Variants in PTK2 observed in about 807,000 individuals in gnomAD.
The protein encoded by PTK2 is protein tyrosine kinase 2.
A neutral mutation model predicts 150.1 loss-of-function variants in PTK2; 45 were observed. The ratio of observed to expected loss-of-function variants is 0.30; its 90% CI spans 0.24 to 0.38. The LOEUF (loss-of-function observed/expected upper bound fraction) is 0.38. Among genes scored for constraint, PTK2 ranks in the 10% least tolerant of loss-of-function variants. The pLI, the probability that PTK2 is intolerant of heterozygous loss-of-function variation, is 1.00. For missense variants in PTK2, 919 were observed against 1,307.3 expected (o/e 0.70, Z 4.58); for synonymous variants, 432 against 449.2 (o/e 0.96, Z 0.48).
intron 5 of PTK2, among the ~76,000 whole-genome samples, chr8:140,862,719 C>T (rs967915981): frequency 2.0e-5 from 3 of 152,126 alleles, no homozygotes; most frequent in African/African-American, 2.4e-5. Context: ...TTCATAGGAG[C>T]GCAAACCCTG....
chr8:140,809,663 G>A (rs183647510), intron 10 of PTK2, among the ~76,000 whole-genome samples: 11 of 152,144 alleles, frequency 7.2e-5, no homozygotes, highest in Admixed American at 2.0e-4. Context: ...AAAATTAGCC[G>A]AGTGTAATGG....
chr8:140,840,194 G>A (rs139086029), intron 7 of PTK2, among the ~76,000 whole-genome samples: 1,570 of 152,246 alleles, frequency 0.01, 22 homozygotes, highest in Non-Finnish European at 0.015. Flanking sequence ...GACTAGGTGA[G>A]ACCACAGCTG....
At chr8:140,907,421 T>G (rs2100161392) in intron 2 of PTK2, among the ~76,000 whole-genome samples, 2 of 152,194 alleles carry the variant, frequency 1.3e-5, no homozygotes, top group Non-Finnish European at 2.9e-5. Flanking sequence ...TCAAAAAAGC[T>G]GAGTATTTGG....
At chr8:140,768,673 G>A (rs1361471444) in intron 14 of PTK2, among the ~76,000 whole-genome samples, 1 of 152,176 alleles carries the variant, frequency 6.6e-6, no homozygotes, top group African/African-American at 2.4e-5. Context: ...TGACTGCTGT[G>A]AGAATTAGGA....
At chr8:140,759,342 TG>T (rs1173927493) in intron 16 of PTK2, among the ~76,000 whole-genome samples, 1 of 151,938 alleles carries the variant, frequency 6.6e-6, no homozygotes, top group African/African-American at 2.4e-5. Context: ...CATTCCAGCC[TG>T]GGCAACATCA....
chr8:140,977,906 G>T (rs1310864308), intron 1 of PTK2, among the ~76,000 whole-genome samples: 3 of 152,068 alleles, frequency 2.0e-5, no homozygotes, highest in Non-Finnish European at 4.4e-5. Flanking sequence ...CCAAATCAGA[G>T]ATATAGATCA....
At chr8:140,916,688 G>A (rs1254931829) in intron 2 of PTK2, among the ~76,000 whole-genome samples, 1 of 152,004 alleles carries the variant, frequency 6.6e-6, no homozygotes, top group East Asian at 1.9e-4. Flanking sequence ...TAGAAGACAT[G>A]GTACATATAT....
chr8:140,833,057 TTAAAGA>T (rs779054703), intron 7 of PTK2: 1 of 518,756 alleles, frequency 1.9e-6, no homozygotes, highest in African/African-American at 1.9e-5. Context: ...AATAAGAAAG[TTAAAGA>T]TAAACCAAAA....
At chr8:140,782,589 G>GA (rs960830155) in intron 14 of PTK2, among the ~76,000 whole-genome samples, 2 of 151,172 alleles carry the variant, frequency 1.3e-5, no homozygotes, top group African/African-American at 4.9e-5. Flanking sequence ...ATTTGGTAGG[G>GA]AAAAAAATGA....
At chr8:140,739,330 C>T (rs1444132121) in intron 20 of PTK2, among the ~76,000 whole-genome samples, 1 of 152,100 alleles carries the variant, frequency 6.6e-6, no homozygotes, top group Non-Finnish European at 1.5e-5. Context: ...ATGTCCTTCC[C>T]TCTATAGAGA....
In PTK2 at chr8:140,958,552, T is replaced by C. The variant is rs1587395572; in HGVS notation, c.-121-32803A>G. Among the ~76,000 whole-genome samples, 4 of 152,336 alleles carry C rather than the reference T, an allele frequency of 2.6e-5. No individual in the cohort carries two copies. In the South Asian group the frequency reaches 8.3e-4, roughly 32 times the overall value. ...AGAGATAATAAGATGTTATCCATCA[T>C]AATCCTCCAAAACTATGCTCTCCAA... On this transcript the variant is annotated intron_variant, in intron 1 of 31. Coordinates refer to ENST00000522684, the Ensembl canonical transcript of PTK2.
intron 11 of PTK2, among the ~76,000 whole-genome samples, chr8:140,801,982 GCACA>G (rs1263451679): frequency 6.6e-6 from 1 of 151,650 alleles, no homozygotes; most frequent in African/African-American, 2.4e-5. Context: ...TAAAAGTATA[GCACA>G]TACGATTATG....
intron 3 of PTK2, among the ~76,000 whole-genome samples, chr8:140,882,355 C>T (rs1600404389): frequency 6.6e-6 from 1 of 152,244 alleles, no homozygotes; most frequent in East Asian, 1.9e-4. Context: ...ATATCACACA[C>T]ACGTACATTT....
chr8:140,763,682 A>G (rs2100070605), intron 15 of PTK2, among the ~76,000 whole-genome samples: 1 of 152,038 alleles, frequency 6.6e-6, no homozygotes, highest in Non-Finnish European at 1.5e-5. Context: ...GTCCTTTAAG[A>G]GTTCTGTTTC....
chr8:140,838,153 A>G (rs1296620881), intron 7 of PTK2, among the ~76,000 whole-genome samples: 1 of 152,238 alleles, frequency 6.6e-6, no homozygotes, highest in Non-Finnish European at 1.5e-5. Context: ...GAATCTAATA[A>G]ATTATGTGGA....
chr8:140,879,133 T>TAATATATA (rs567250604), intron 4 of PTK2: 1 of 162,442 alleles, frequency 6.2e-6, no homozygotes, highest in African/African-American at 2.4e-5. Flanking sequence ...GATGAAAACA[T>TAATATATA]TATATATATA....
Position 140,931,577 on chromosome 8 carries a change from T to A in PTK2, c.-121-5828A>T, listed in dbSNP as rs186268973. Among the ~76,000 whole-genome samples, 1,075 of 152,008 alleles carry A rather than the reference T, an allele frequency of 7.1e-3. 4 individuals are homozygous for A. Among genetic ancestry groups the A allele is most frequent in the East Asian group, 0.011 (59 of 5,154 alleles). ...CAAGACCTTGTGGTTTTAAAAAAAA[T>A]TTTTAAATAAAAATAAAAGTATATT... On this transcript the variant is annotated intron_variant, in intron 1 of 31. Coordinates refer to ENST00000522684, the Ensembl canonical transcript of PTK2.
rs555080239 is a variant in PTK2 at position 140,941,686 on chromosome 8, C to T, written c.-121-15937G>A. On this transcript the variant is annotated intron_variant, in intron 1 of 31. Transcript: ENST00000522684. ...CTGCTCCACAGGACATCAACAAGTACCACAAAGTAGTAATGAGCAACTCTA... is the reference window on the plus strand; with the variant it reads ...CTGCTCCACAGGACATCAACAAGTATCACAAAGTAGTAATGAGCAACTCTA... Among the ~76,000 whole-genome samples the T allele has an allele frequency of 1.3e-4, 20 of 152,186 alleles. No individual in the cohort carries two copies. The South Asian group carries it at 2.5e-3, about 19-fold the overall frequency.
At chr8:140,751,061 C>A (rs2100062353) in intron 17 of PTK2, among the ~76,000 whole-genome samples, 1 of 151,858 alleles carries the variant, frequency 6.6e-6, no homozygotes, top group Non-Finnish European at 1.5e-5. Flanking sequence ...CAGCGAGACC[C>A]GAGACAGACA....
Sources: gnomAD v4.1 joint callset for allele counts (sites outside exome capture counted in the v4.1 genomes callset) on GRCh38, gnomAD v4.1.1 for gene constraint, MANE v1.5 for transcripts, NCBI Gene and HGNC (gene_info 2026-07-23, HGNC 2026-07-21) for gene names.